Variants in PXDNL observed in about 807,000 individuals in gnomAD.
The protein encoded by PXDNL is peroxidasin like, also known as probable oxidoreductase PXDNL.
In PXDNL, 145 loss-of-function variants were observed where a neutral mutation model predicts 150.8. That is an observed-to-expected ratio of 0.96 (90% CI 0.84 to 1.10). PXDNL has a LOEUF of 1.10. Among genes scored for constraint, PXDNL ranks in the 50% least tolerant of loss-of-function variants. The pLI is 0.00. For synonymous variants in PXDNL, 757 were observed against 725.7 expected (o/e 1.04, Z -0.69); for missense variants, 2,087 against 1,873.9 (o/e 1.11, Z -2.10).
chr8:51,569,224 C>T (rs1812880733), intron 3 of PXDNL, among the ~76,000 whole-genome samples: 1 of 151,918 alleles, frequency 6.6e-6, no homozygotes, highest in South Asian at 2.1e-4. Context: ...TTTTTCAGTA[C>T]TGAAAGGTGA....
At chr8:51,540,468 A>G (rs1277924605) in intron 4 of PXDNL, among the ~76,000 whole-genome samples, 1 of 152,142 alleles carries the variant, frequency 6.6e-6, no homozygotes, top group Non-Finnish European at 1.5e-5. Flanking sequence ...AACTTTCCTT[A>G]TAATGTCTTC....
intron 4 of PXDNL, among the ~76,000 whole-genome samples, chr8:51,556,129 G>T (rs1176091160): frequency 6.6e-6 from 1 of 151,940 alleles, no homozygotes; most frequent in East Asian, 1.9e-4. Context: ...TAAATTAGCT[G>T]GGCATGATGG....
intron 17 of PXDNL, among the ~76,000 whole-genome samples, chr8:51,381,498 T>G (rs1807537342): frequency 6.6e-6 from 1 of 152,196 alleles, no homozygotes; most frequent in Non-Finnish European, 1.5e-5. Context: ...GATATTAACA[T>G]GGGGAAGTAC....
chr8:51,485,755 T>C (rs1261463525), intron 5 of PXDNL, among the ~76,000 whole-genome samples: 1 of 152,210 alleles, frequency 6.6e-6, no homozygotes, highest in Non-Finnish European at 1.5e-5. Context: ...CACTGGTCCC[T>C]ATACCTATCA....
chr8:51,726,658 G>T (rs1314846592), intron 1 of PXDNL, among the ~76,000 whole-genome samples: 1 of 152,126 alleles, frequency 6.6e-6, no homozygotes, highest in Non-Finnish European at 1.5e-5. Flanking sequence ...AACGTTACAT[G>T]ATACTTAAAG....
At chr8:51,456,511 T>G (rs1279981802) in intron 9 of PXDNL, among the ~76,000 whole-genome samples, 1 of 152,210 alleles carries the variant, frequency 6.6e-6, no homozygotes, top group East Asian at 1.9e-4. Context: ...GTTGTCAAAT[T>G]TTCAGTATTC....
chr8:51,716,485 T>C (rs1387199717), intron 1 of PXDNL, among the ~76,000 whole-genome samples: 1 of 152,222 alleles, frequency 6.6e-6, no homozygotes. Flanking sequence ...GCTATGTGTT[T>C]TTGTAAACTA....
chr8:51,417,875 T>C (rs771918299), intron 14 of PXDNL, among the ~76,000 whole-genome samples: 25 of 152,322 alleles, frequency 1.6e-4, no homozygotes, highest in East Asian at 3.9e-4. Context: ...AACCAATTCA[T>C]TGCCCTGGAG....
chr8:51,351,817 C>G (rs984864009), intron 19 of PXDNL, among the ~76,000 whole-genome samples: 4 of 152,124 alleles, frequency 2.6e-5, no homozygotes, highest in African/African-American at 9.7e-5. Flanking sequence ...ACCCACAGTT[C>G]CCTTCCATGA....
intron 4 of PXDNL, among the ~76,000 whole-genome samples, chr8:51,510,341 C>T (rs1811385947): frequency 6.6e-6 from 1 of 152,140 alleles, no homozygotes; most frequent in African/African-American, 2.4e-5. Flanking sequence ...CTTCCTCTTA[C>T]CAAACATGAG....
At chr8:51,514,691 A>G (rs1811498186) in intron 4 of PXDNL, among the ~76,000 whole-genome samples, 1 of 152,152 alleles carries the variant, frequency 6.6e-6, no homozygotes, top group Non-Finnish European at 1.5e-5. Flanking sequence ...AAGTATGTCC[A>G]TGCCCACATC....
intron 10 of PXDNL, among the ~76,000 whole-genome samples, chr8:51,450,886 C>A (rs1809793047): frequency 6.6e-6 from 1 of 152,174 alleles, no homozygotes; most frequent in Non-Finnish European, 1.5e-5. Flanking sequence ...ATCTGGGCCG[C>A]TCAACCCCCA....
intron 12 of PXDNL, among the ~76,000 whole-genome samples, chr8:51,440,484 A>C (rs1169937402): frequency 6.6e-6 from 1 of 151,960 alleles, no homozygotes; most frequent in Non-Finnish European, 1.5e-5. Flanking sequence ...TGTGGCAGTG[A>C]CCTTTGGGGA....
chr8:51,788,104 T>C (rs368506635), intron 1 of PXDNL, among the ~76,000 whole-genome samples: 4 of 152,290 alleles, frequency 2.6e-5, no homozygotes, highest in East Asian at 1.9e-4. Context: ...TACAATATAG[T>C]GTAAACATAA....
intron 17 of PXDNL, among the ~76,000 whole-genome samples, chr8:51,384,045 G>T (rs1431162369): frequency 6.6e-6 from 1 of 152,150 alleles, no homozygotes; most frequent in Non-Finnish European, 1.5e-5. Context: ...ACAAAGGAAA[G>T]GTGCTTTGTG....
intron 12 of PXDNL, 74 bp from the exon 13 acceptor site, chr8:51,426,832 G>A: frequency 1.2e-6 from 1 of 828,214 alleles, no homozygotes; most frequent in Non-Finnish European, 2.0e-6. Flanking sequence ...TGAGTCAAAG[G>A]TATGAACCTG....
In PXDNL at chr8:51,809,367, G is replaced by A. The variant is rs1398138850; in HGVS notation, c.-23C>T. On this transcript the variant is annotated 5_prime_UTR_variant, in exon 1 of 23. Transcript: ENST00000356297. ...CATCGCTCCATTCGCTGCTGGCCAC[G>A]CGAAGAAGCAGCCGGAGGGAGAGCA... is the stretch of plus-strand genomic sequence containing the variant. 7.9e-6 allele frequency: 12 copies of A among 1,511,916 alleles called. No individual in the cohort carries two copies. Among genetic ancestry groups the A allele is most frequent in the Admixed American group, 7.1e-5 (3 of 42,326 alleles). The allele number at this position is 1,511,916 out of a possible 1,614,324, so 93.7% of individuals were successfully genotyped here.
intron 14 of PXDNL, among the ~76,000 whole-genome samples, chr8:51,418,452 T>G (rs898130812): frequency 6.6e-5 from 10 of 152,196 alleles, no homozygotes; most frequent in Admixed American, 3.3e-4. Flanking sequence ...TACTTTATTG[T>G]CCACTTATAA....
At chr8:51,792,317 A>G (rs1414520577) in intron 1 of PXDNL, among the ~76,000 whole-genome samples, 1 of 152,138 alleles carries the variant, frequency 6.6e-6, no homozygotes, top group Non-Finnish European at 1.5e-5. Flanking sequence ...CCCTCCTGGG[A>G]GCCACACAGG....
Sources: allele counts gnomAD v4.1 joint callset (sites outside exome capture counted in the v4.1 genomes callset), GRCh38; gene constraint gnomAD v4.1.1; transcripts MANE v1.5; gene names NCBI Gene and HGNC (gene_info 2026-07-23, HGNC 2026-07-21).